The following CLMP variants were observed in gnomAD, a reference collection of about 807,000 sequenced individuals.
CLMP encodes the protein CXADR-like membrane protein.
Under a neutral mutation model 45.2 loss-of-function variants are expected in CLMP, and 27 were observed. The ratio of observed to expected loss-of-function variants is 0.60; its 90% CI spans 0.44 to 0.82. The LOEUF (loss-of-function observed/expected upper bound fraction) is 0.82, where lower values mean the gene tolerates loss of function less well. Among genes scored for constraint, CLMP ranks in the 40% least tolerant of loss-of-function variants. The probability of loss-of-function intolerance (pLI) is 0.00; values close to 1 mark genes in which losing one functional copy is unlikely to be tolerated. For synonymous variants in CLMP, 167 were observed against 171.4 expected (o/e 0.97, Z 0.20); for missense variants, 403 against 448.4 (o/e 0.90, Z 0.91).
intron 2 of CLMP, among the ~76,000 whole-genome samples, chr11:123,085,769 G>GTTTTTTT (rs200240564): frequency 2.2e-5 from 3 of 134,210 alleles, no homozygotes; most frequent in Non-Finnish European, 3.2e-5. Context: ...AATTTTTTAT[G>GTTTTTTT]TTTTTTTTTT....
intron 5 of CLMP, among the ~76,000 whole-genome samples, chr11:123,075,248 C>T (rs961359669): frequency 4.0e-5 from 6 of 150,846 alleles, no homozygotes; most frequent in Non-Finnish European, 7.4e-5. Flanking sequence ...GCCACCGCGC[C>T]GACCTCCAGG....
At chr11:123,116,257 C>G (rs1860718214) in intron 1 of CLMP, among the ~76,000 whole-genome samples, 1 of 151,940 alleles carries the variant, frequency 6.6e-6, no homozygotes, top group Admixed American at 6.6e-5. Context: ...TAAAGGCTGC[C>G]TACCACACAC....
intron 5 of CLMP, among the ~76,000 whole-genome samples, chr11:123,079,688 G>T (rs866801625): frequency 6.6e-5 from 10 of 151,978 alleles, no homozygotes; most frequent in Middle Eastern, 3.4e-3. Context: ...CTCGTGATCC[G>T]CCCGCCTCGA....
Position 123,109,768 on chromosome 11 carries a change from G to A in CLMP, c.29-11816C>T, listed in dbSNP as rs138053979. Among the ~76,000 whole-genome samples, 30 of 152,280 alleles carry A rather than the reference G, an allele frequency of 2.0e-4. No individual in the cohort carries two copies. The East Asian group carries it at 4.6e-3, about 24-fold the overall frequency. On this transcript the variant is annotated intron_variant, in intron 1 of 6. Coordinates refer to ENST00000448775, the MANE Select transcript of CLMP (RefSeq NM_024769.5). ...TATTGACCACCAGTATGATGTGGCC[G>A]CATTTATAGAGGTTCGATGTTCCAA...
At chr11:123,086,490 A>C (rs1057445269) in intron 2 of CLMP, among the ~76,000 whole-genome samples, 1 of 152,080 alleles carries the variant, frequency 6.6e-6, no homozygotes, top group Admixed American at 6.6e-5. Context: ...CAAGCCCTCA[A>C]CCCTGCCTTT....
intron 1 of CLMP, among the ~76,000 whole-genome samples, chr11:123,162,014 G>C (rs1861494085): frequency 6.6e-6 from 1 of 152,212 alleles, no homozygotes; most frequent in South Asian, 2.1e-4. Flanking sequence ...GAACCCCTGT[G>C]CTGGCAACAG....
At chr11:123,150,482 AGG>A (rs780638530) in intron 1 of CLMP, among the ~76,000 whole-genome samples, 17 of 99,120 alleles carry the variant, frequency 1.7e-4, no homozygotes, top group Middle Eastern at 5.0e-3. Flanking sequence ...AAAGAAAGAA[AGG>A]AAGGAAGGAA....
intron 2 of CLMP, among the ~76,000 whole-genome samples, chr11:123,094,192 C>T (rs916967955): frequency 1.3e-5 from 2 of 152,104 alleles, no homozygotes; most frequent in Non-Finnish European, 2.9e-5. Flanking sequence ...ACTGCAGCCT[C>T]GACTTCCCAT....
At chr11:123,109,059 CAAAAAAAAA>C (rs776811883) in intron 1 of CLMP, among the ~76,000 whole-genome samples, 6 of 64,280 alleles carry the variant, frequency 9.3e-5, no homozygotes, top group African/African-American at 3.6e-4. Flanking sequence ...AACTCTGTCT[CAAAAAAAAA>C]AAAAAAAAAA....
intron 1 of CLMP, among the ~76,000 whole-genome samples, chr11:123,114,534 G>C (rs1860694285): frequency 6.9e-6 from 1 of 144,048 alleles, no homozygotes; most frequent in African/African-American, 2.6e-5. Flanking sequence ...TGAACTCCTA[G>C]GCTCAAGCAA....
intron 1 of CLMP, among the ~76,000 whole-genome samples, chr11:123,147,135 A>ATT: frequency 6.6e-6 from 1 of 151,650 alleles, no homozygotes; most frequent in East Asian, 1.9e-4. Flanking sequence ...TAAAAATGTC[A>ATT]TTTTTTTTCA....
Position 123,159,083 on chromosome 11 carries a change from G to A in CLMP, c.28+35830C>T, listed in dbSNP as rs146927498. On this transcript the variant is annotated intron_variant, in intron 1 of 6. Coordinates refer to ENST00000448775, the MANE Select transcript of CLMP (RefSeq NM_024769.5). ...TGTAGGCCTAGTTCTAAGACATTTCGAAAATGTGAGAAAAGCCAAAGATCC... is the reference window on the plus strand; with the variant it reads ...TGTAGGCCTAGTTCTAAGACATTTCAAAAATGTGAGAAAAGCCAAAGATCC... 3.6e-3 allele frequency among the ~76,000 whole-genome samples: 546 copies of A among 152,224 alleles called. 2 individuals are homozygous for A. The highest frequency in any genetic ancestry group is 0.012 in the African/African-American group (514 of 41,526).
intron 1 of CLMP, among the ~76,000 whole-genome samples, chr11:123,112,363 GT>G (rs1232248615): frequency 6.8e-6 from 1 of 146,652 alleles, no homozygotes; most frequent in East Asian, 2.0e-4. Flanking sequence ...TTGAGACGGA[GT>G]TTTGCTCTTG....
At position 123,195,138 on chromosome 11, in the gene CLMP, C is replaced by A; in HGVS notation, c.-198G>T. 3.2e-6 allele frequency: 1 copy of A among 313,196 alleles called. No homozygotes were observed. Among genetic ancestry groups the A allele is most frequent in the Non-Finnish European group, 5.7e-6 (1 of 175,146 alleles). The allele number at this position is 313,196 out of a possible 1,614,324, so 19.4% of individuals were successfully genotyped here. On this transcript the variant is annotated 5_prime_UTR_variant, in exon 1 of 7. Transcript: ENST00000448775. ...AGATGGGCTCCCGGCGCTCGCCCCA[C>A]CAGCTGGCGCCCGGACGGGAGCCGG... is the stretch of plus-strand genomic sequence containing the variant.
At chr11:123,170,384 G>C (rs1163168180) in intron 1 of CLMP, among the ~76,000 whole-genome samples, 1 of 151,554 alleles carries the variant, frequency 6.6e-6, no homozygotes, top group Non-Finnish European at 1.5e-5. Context: ...CCTCAATAAC[G>C]ATCTGTGGAA....
rs1256156250 is a variant in CLMP at position 123,097,654 on chromosome 11, T to C, written c.186+141A>G. ...ATACTCTTTCTTCTCTATAGTTTTG[T>C]ATCTAAAGTCTTTCAAGTAGAAGCC... is the stretch of plus-strand genomic sequence containing the variant. On this transcript the variant is annotated intron_variant, in intron 2 of 6. Coordinates refer to ENST00000448775, the MANE Select transcript of CLMP (RefSeq NM_024769.5). 7.9e-6 allele frequency: 5 copies of C among 630,996 alleles called. No individual in the cohort carries two copies. In the East Asian group the frequency reaches 1.4e-4, roughly 18 times the overall value. The allele number at this position is 630,996 out of a possible 1,614,324, so 39.1% of individuals were successfully genotyped here. A position where few individuals can be genotyped will look rare whatever the true frequency, so the allele number is the denominator to read the frequency against.
chr11:123,083,602 T>G, intron 4 of CLMP, 78 bp downstream of exon 4: 2 of 1,439,522 alleles, frequency 1.4e-6, no homozygotes. Context: ...CATAGTGAGT[T>G]GCTGAGAAAG....
At chr11:123,084,246 A>G (rs533239689) in intron 3 of CLMP, among the ~76,000 whole-genome samples, 11 of 152,302 alleles carry the variant, frequency 7.2e-5, no homozygotes, top group African/African-American at 2.6e-4. Context: ...TATCTGAGAG[A>G]CTTAAATATG....
rs147191413 is a variant in CLMP at position 123,124,602 on chromosome 11, C to T, written c.29-26650G>A. ...TGCTTACATCACTTTTTAGAATAAC[C>T]AGTCATTTAATGTCGTTCATTCATT... is the stretch of plus-strand genomic sequence containing the variant. On this transcript the variant is annotated intron_variant, in intron 1 of 6. Transcript: ENST00000448775. 2.9e-3 allele frequency among the ~76,000 whole-genome samples: 440 copies of T among 152,304 alleles called. 1 individual carries two copies. Among genetic ancestry groups the T allele is most frequent in the African/African-American group, 0.01 (428 of 41,560 alleles).
Sources: allele counts gnomAD v4.1 joint callset (sites outside exome capture counted in the v4.1 genomes callset), GRCh38; gene constraint gnomAD v4.1.1; transcripts MANE v1.5; gene names NCBI Gene and HGNC (gene_info 2026-07-23, HGNC 2026-07-21).